The following EHBP1 variants were observed in gnomAD, a reference collection of about 807,000 sequenced individuals.
EHBP1 encodes EH domain binding protein 1.
A neutral mutation model predicts 144.0 loss-of-function variants in EHBP1; 55 were observed. The observed-to-expected ratio is 0.38, with a 90% CI of 0.31 to 0.48. The LOEUF is 0.48. Ranked by LOEUF, EHBP1 falls within the 20% of genes least tolerant of loss-of-function variation. EHBP1 has a pLI of 0.98. For synonymous variants in EHBP1, 469 were observed against 472.7 expected, an observed-to-expected ratio of 0.99 and a Z score of 0.10; for missense variants, 1,200 against 1,364.2, an observed-to-expected ratio of 0.88 and a Z score of 1.90.
At chr2:63,025,686 A>T (rs1168152060) in intron 19 of EHBP1, among the ~76,000 whole-genome samples, 5 of 152,148 alleles carry the variant, frequency 3.3e-5, no homozygotes, top group Non-Finnish European at 5.9e-5. Flanking sequence ...GGGTACCATG[A>T]TATTCTTCAC....
At chr2:62,969,189 T>A (rs933199572) in intron 14 of EHBP1, among the ~76,000 whole-genome samples, 1 of 152,162 alleles carries the variant, frequency 6.6e-6, no homozygotes, top group Non-Finnish European at 1.5e-5. Flanking sequence ...TTAAAATAAT[T>A]ATTTTTGGAG....
At chr2:62,804,204 A>G (rs2044268952) in intron 5 of EHBP1, among the ~76,000 whole-genome samples, 1 of 152,158 alleles carries the variant, frequency 6.6e-6, no homozygotes, top group African/African-American at 2.4e-5. Flanking sequence ...GAGACAGTTG[A>G]TTTTCCTCAT....
intron 3 of EHBP1, among the ~76,000 whole-genome samples, chr2:62,754,910 G>A (rs1278242263): frequency 6.6e-6 from 1 of 152,178 alleles, no homozygotes; most frequent in African/African-American, 2.4e-5. Flanking sequence ...GCTAGGAAAG[G>A]GAATTCCCTG....
intron 2 of EHBP1, among the ~76,000 whole-genome samples, chr2:62,715,207 C>G (rs192576093): frequency 6.6e-6 from 1 of 152,078 alleles, no homozygotes; most frequent in African/African-American, 2.4e-5. Context: ...CTCCACCTCC[C>G]GGGTTCAAGC....
chr2:62,848,758 T>A (rs1313236516), intron 7 of EHBP1, among the ~76,000 whole-genome samples: 2 of 152,224 alleles, frequency 1.3e-5, no homozygotes, highest in Non-Finnish European at 2.9e-5. Flanking sequence ...AGTTATAGCC[T>A]GTGGGACTGG....
chr2:63,042,545 G>A (rs1413318758), intron 21 of EHBP1, among the ~76,000 whole-genome samples: 1 of 151,822 alleles, frequency 6.6e-6, no homozygotes, highest in African/African-American at 2.4e-5. Flanking sequence ...AAATTCTAAT[G>A]TCATTTAAAT....
intron 10 of EHBP1, among the ~76,000 whole-genome samples, chr2:62,924,816 A>C (rs1490390545): frequency 6.6e-6 from 1 of 152,254 alleles, no homozygotes; most frequent in African/African-American, 2.4e-5. Flanking sequence ...ACTCCAAAGA[A>C]TGGAAGCAAA....
At position 62,679,307 on chromosome 2, in the gene EHBP1, TA is replaced by T. The variant is rs553981974; in HGVS notation, c.-296+5226del. Among the ~76,000 whole-genome samples, 14 of 152,330 alleles carry T rather than the reference TA, an allele frequency of 9.2e-5. No homozygotes were observed. The East Asian group carries it at 2.7e-3, about 29-fold the overall frequency. ...ATTTTTATAACTCACATAAATACCA[TA>T]AGCTTGACAATACCATAGCCTCTCC... is the stretch of plus-strand genomic sequence containing the variant. On this transcript the variant is annotated intron_variant, in intron 1 of 22. Transcript: ENST00000405015.
At chr2:62,952,901 A>G (rs1021847341) in intron 13 of EHBP1, among the ~76,000 whole-genome samples, 2 of 152,172 alleles carry the variant, frequency 1.3e-5, no homozygotes, top group Non-Finnish European at 2.9e-5. Context: ...ACTTTCAGGA[A>G]TTTTTCCTAA....
chr2:62,680,279 C>G (rs1030500254), intron 1 of EHBP1, among the ~76,000 whole-genome samples: 2 of 152,218 alleles, frequency 1.3e-5, no homozygotes, highest in Admixed American at 1.3e-4. Context: ...TTGGCTTCAT[C>G]CTCATCCCTC....
chr2:62,963,907 A>G (rs2058116620), intron 14 of EHBP1, among the ~76,000 whole-genome samples: 1 of 152,198 alleles, frequency 6.6e-6, no homozygotes, highest in Admixed American at 6.6e-5. Context: ...TACAAAATCC[A>G]TTTCAGACCA....
intron 7 of EHBP1, chr2:62,858,526 T>C: frequency 6.5e-7 from 1 of 1,548,900 alleles, no homozygotes; most frequent in Non-Finnish European, 8.9e-7. Flanking sequence ...AGAGCTTTCC[T>C]CCTTTCTTTC....
At chr2:62,879,676 G>C (rs1004827101) in intron 10 of EHBP1, among the ~76,000 whole-genome samples, 5 of 151,386 alleles carry the variant, frequency 3.3e-5, no homozygotes, top group Non-Finnish European at 5.9e-5. Flanking sequence ...TCTATAATGA[G>C]AATTACAAAA....
intron 10 of EHBP1, among the ~76,000 whole-genome samples, chr2:62,879,192 T>C (rs974253818): frequency 6.6e-6 from 1 of 152,082 alleles, no homozygotes; most frequent in African/African-American, 2.4e-5. Context: ...CCATACTGAA[T>C]GGGCAAAAGC....
chr2:62,740,429 A>G (rs913371978), intron 2 of EHBP1, among the ~76,000 whole-genome samples: 2 of 152,190 alleles, frequency 1.3e-5, no homozygotes, highest in Non-Finnish European at 2.9e-5. Context: ...CTGGAACTGT[A>G]GCAGTGGTAG....
chr2:62,878,801 G>A (rs1272606132), intron 10 of EHBP1, among the ~76,000 whole-genome samples: 5 of 152,036 alleles, frequency 3.3e-5, no homozygotes, highest in Non-Finnish European at 7.4e-5. Context: ...CTGAGGTCAG[G>A]AGTTTGAGAC....
intron 2 of EHBP1, among the ~76,000 whole-genome samples, chr2:62,718,326 A>G (rs146558453): frequency 4.1e-4 from 62 of 152,370 alleles, no homozygotes; most frequent in African/African-American, 1.5e-3. Context: ...ATTTACATCT[A>G]AATTTAAATC....
chr2:62,858,443 TGAA>T, intron 7 of EHBP1: 1 of 1,611,382 alleles, frequency 6.2e-7, no homozygotes, highest in African/African-American at 1.3e-5. Context: ...GCAGCTTAGA[TGAA>T]GATCAAGATG....
At chr2:62,680,389 G>A (rs2033470400) in intron 1 of EHBP1, among the ~76,000 whole-genome samples, 2 of 152,174 alleles carry the variant, frequency 1.3e-5, no homozygotes, top group South Asian at 4.1e-4. Context: ...TACAGGTAAT[G>A]AGTTTTAATT....
Sources: allele counts gnomAD v4.1 joint callset (sites outside exome capture counted in the v4.1 genomes callset), GRCh38; gene constraint gnomAD v4.1.1; transcripts MANE v1.5; gene names NCBI Gene and HGNC (gene_info 2026-07-23, HGNC 2026-07-21).